WWP1: variants seen among roughly 807,000 people sequenced by gnomAD.
WWP1 encodes NEDD4-like E3 ubiquitin-protein ligase WWP1.
In WWP1, 49 loss-of-function variants were observed where a neutral mutation model predicts 130.6. That is an observed-to-expected ratio of 0.38 (90% confidence interval 0.30 to 0.48). The LOEUF is 0.48. WWP1 is among the 20% of genes least tolerant of loss of function. The pLI, the probability that WWP1 is intolerant of heterozygous loss-of-function variation, is 0.99. For synonymous variants in WWP1, 332 were observed against 367.8 expected (o/e 0.90, Z 1.11); for missense variants, 809 against 1,100.6 (o/e 0.74, Z 3.75).
At chr8:86,370,232 CTT>C (rs1226520259) in intron 2 of WWP1, among the ~76,000 whole-genome samples, 1 of 152,138 alleles carries the variant, frequency 6.6e-6, no homozygotes, top group Non-Finnish European at 1.5e-5. Flanking sequence ...ATTTACAAAT[CTT>C]TATACATTTC....
rs371846088 is a variant in WWP1 at position 86,458,079 on chromosome 8, A to G, written c.2499+54A>G. The G allele has an allele frequency of 3.2e-5, 46 of 1,440,638 alleles. 1 individual carries two copies. The highest frequency in any genetic ancestry group is 2.1e-4 in the East Asian group (9 of 43,350). 89.2% of individuals were successfully genotyped at this position (1,440,638 alleles called of 1,614,324 possible). A position where few individuals can be genotyped will look rare whatever the true frequency, so the allele number is the denominator to read the frequency against. ...AGTACTCAACATATTTTCTAATGAA[A>G]TGGTGGTTTTAAAAATAGCTTATTA... On this transcript the variant is annotated intron_variant, in intron 22 of 24. Transcript: ENST00000517970.
intron 5 of WWP1, among the ~76,000 whole-genome samples, chr8:86,387,739 G>C (rs1051416378): frequency 2.6e-5 from 4 of 152,092 alleles, no homozygotes; most frequent in Non-Finnish European, 5.9e-5. Context: ...AGCCAGACTG[G>C]TCTCGAACTC....
chr8:86,441,234 C>T (rs760862734), intron 17 of WWP1, among the ~76,000 whole-genome samples: 3 of 152,202 alleles, frequency 2.0e-5, no homozygotes, highest in Non-Finnish European at 2.9e-5. Flanking sequence ...ACAAGACCTG[C>T]TCCATCCTCT....
chr8:86,453,112 T>A (rs1176025178), intron 21 of WWP1, among the ~76,000 whole-genome samples: 2 of 152,200 alleles, frequency 1.3e-5, no homozygotes, highest in Non-Finnish European at 2.9e-5. Flanking sequence ...TGTTCAATAA[T>A]GTTAAATATA....
At chr8:86,370,300 A>G (rs1824211054) in intron 2 of WWP1, among the ~76,000 whole-genome samples, 1 of 152,156 alleles carries the variant, frequency 6.6e-6, no homozygotes, top group Non-Finnish European at 1.5e-5. Context: ...AAATAGACAG[A>G]AATATCTCAG....
At chr8:86,395,367 CTTTA>C (rs1807599851) in intron 5 of WWP1, among the ~76,000 whole-genome samples, 1 of 151,462 alleles carries the variant, frequency 6.6e-6, no homozygotes, top group East Asian at 1.9e-4. Flanking sequence ...TCAAATAAAA[CTTTA>C]TTTATGAAAA....
intron 14 of WWP1, among the ~76,000 whole-genome samples, chr8:86,432,273 A>G (rs1810022409): frequency 6.6e-6 from 1 of 152,218 alleles, no homozygotes; most frequent in South Asian, 2.1e-4. Flanking sequence ...ATGTCTTTGC[A>G]TAACTAAGAA....
intron 21 of WWP1, among the ~76,000 whole-genome samples, chr8:86,456,314 GA>G (rs978115800): frequency 6.6e-6 from 1 of 151,780 alleles, no homozygotes; most frequent in Admixed American, 6.6e-5. Context: ...ACCATTAAGT[GA>G]AAAAGCAACC....
chr8:86,365,452 G>A (rs867454803), intron 1 of WWP1, among the ~76,000 whole-genome samples: 23 of 152,278 alleles, frequency 1.5e-4, no homozygotes, highest in African/African-American at 4.1e-4. Context: ...ATTAAAGTCA[G>A]AGGCTAAAAG....
At chr8:86,450,600 A>G (rs1307311904) in intron 20 of WWP1, among the ~76,000 whole-genome samples, 1 of 152,260 alleles carries the variant, frequency 6.6e-6, no homozygotes, top group East Asian at 1.9e-4. Context: ...CACTGTTTCA[A>G]ACATTTTATC....
intron 1 of WWP1, among the ~76,000 whole-genome samples, chr8:86,346,282 T>C (rs1187446728): frequency 1.3e-5 from 2 of 152,050 alleles, no homozygotes; most frequent in Non-Finnish European, 1.5e-5. Flanking sequence ...AGAGAGGTGA[T>C]GTAAGTGAAA....
chr8:86,435,630 T>C lies in WWP1; in HGVS notation c.1678-3T>C. The C allele has an allele frequency of 1.9e-6, 3 of 1,613,152 alleles. No homozygotes were observed. The highest frequency in any genetic ancestry group is 2.5e-6 in the Non-Finnish European group (3 of 1,179,628). On this transcript the variant is annotated splice_polypyrimidine_tract_variant and splice_region_variant and intron_variant, in intron 15 of 24. Transcript: ENST00000517970. Reference sequence around the variant, plus strand: ...GATATTATGATATTATTTTTGTTTTTAGTCTAATGCACTACCTAGTCATGT... The same window carrying C: ...GATATTATGATATTATTTTTGTTTTCAGTCTAATGCACTACCTAGTCATGT...
chr8:86,373,883 G>T, intron 2 of WWP1, 147 bp from the exon 3 acceptor site: 1 of 547,426 alleles, frequency 1.8e-6, no homozygotes, highest in Non-Finnish European at 3.1e-6. Flanking sequence ...TAACTTTAGG[G>T]TTTTCTTTTA....
At chr8:86,458,225 A>G (rs953237743) in intron 22 of WWP1, among the ~76,000 whole-genome samples, 200 bp downstream of exon 22, 2 of 152,190 alleles carry the variant, frequency 1.3e-5, no homozygotes, top group Non-Finnish European at 2.9e-5. Flanking sequence ...TGCTGAAATG[A>G]AGGAGTTGAG....
At chr8:86,458,737 A>G (rs1811589308) in intron 22 of WWP1, among the ~76,000 whole-genome samples, 1 of 152,148 alleles carries the variant, frequency 6.6e-6, no homozygotes, top group Non-Finnish European at 1.5e-5. Context: ...GTTTTGTGTT[A>G]TAGTACACTT....
Position 86,431,750 on chromosome 8 carries a change from G to A in WWP1, c.1601+7G>A. 1 of 1,613,362 alleles carries A rather than the reference G, an allele frequency of 6.2e-7. No homozygotes were observed. Among genetic ancestry groups the A allele is most frequent in the Non-Finnish European group, 8.5e-7 (1 of 1,179,724 alleles). ...GCAATGGGAAGTCATCTGTGTGAGT[G>A]AAAACCTGAAGTTCTCCTTTAAATA... On this transcript the variant is annotated splice_region_variant and intron_variant, in intron 14 of 24. Transcript: ENST00000517970.
chr8:86,368,562 C>T (rs544787848), intron 1 of WWP1, among the ~76,000 whole-genome samples: 12 of 152,220 alleles, frequency 7.9e-5, no homozygotes, highest in Admixed American at 3.3e-4. Flanking sequence ...TTCCAAAATG[C>T]AATTCTCATC....
At chr8:86,390,423 G>A (rs552519461) in intron 5 of WWP1, among the ~76,000 whole-genome samples, 27 of 152,158 alleles carry the variant, frequency 1.8e-4, no homozygotes, top group Non-Finnish European at 2.5e-4. Context: ...CTGAGTGAGC[G>A]AGACTCCGTC....
intron 17 of WWP1, chr8:86,440,603 G>C: frequency 2.3e-6 from 1 of 435,394 alleles, no homozygotes; most frequent in South Asian, 1.7e-5. Flanking sequence ...TTTCACTGTT[G>C]ATTGTTTTGT....
Sources: gnomAD v4.1 joint callset for allele counts (sites outside exome capture counted in the v4.1 genomes callset) on GRCh38, gnomAD v4.1.1 for gene constraint, MANE v1.5 for transcripts, NCBI Gene and HGNC (gene_info 2026-07-23, HGNC 2026-07-21) for gene names.